The following MYPN variants were observed in gnomAD, a reference collection of about 807,000 sequenced individuals.
MYPN encodes the protein sarcomeric protein myopalladin, 145 kDa (MYOP).
MYPN carries 63 observed loss-of-function variants against 129.4 expected under a neutral mutation model. That is an observed-to-expected ratio of 0.49 (90% CI 0.40 to 0.60). The LOEUF is 0.60. Ranked by LOEUF, MYPN falls within the 20% of genes least tolerant of loss-of-function variation. The pLI is 0.00. For missense variants in MYPN, 1,596 were observed against 1,635.4 expected, an observed-to-expected ratio of 0.98 and a Z score of 0.42; for synonymous variants, 629 against 600.9, an observed-to-expected ratio of 1.05 and a Z score of -0.68.
At chr10:68,163,779 G>A (rs1298397203) in intron 8 of MYPN, among the ~76,000 whole-genome samples, 1 of 152,164 alleles carries the variant, frequency 6.6e-6, no homozygotes, top group Non-Finnish European at 1.5e-5. Flanking sequence ...CTAGTGCTAC[G>A]TGACTTTTAG....
intron 2 of MYPN, among the ~76,000 whole-genome samples, chr10:68,141,570 T>C (rs749104591): frequency 6.6e-6 from 1 of 152,138 alleles, no homozygotes; most frequent in Non-Finnish European, 1.5e-5. Flanking sequence ...AATGAAAAAA[T>C]GTAAAAGGGT....
chr10:68,208,484 G>A (rs753074994), intron 19 of MYPN, among the ~76,000 whole-genome samples: 1 of 152,174 alleles, frequency 6.6e-6, no homozygotes, highest in Non-Finnish European at 1.5e-5. Context: ...GGGAGAAAGA[G>A]GCCAGTAGTG....
intron 17 of MYPN, among the ~76,000 whole-genome samples, chr10:68,200,735 GT>G (rs2134305553): frequency 6.6e-6 from 1 of 152,008 alleles, no homozygotes; most frequent in South Asian, 2.1e-4. Flanking sequence ...TCCAGCCTGG[GT>G]GACAGAGCAA....
chr10:68,155,187 C>CA (rs2042849702), intron 6 of MYPN, among the ~76,000 whole-genome samples: 1 of 151,608 alleles, frequency 6.6e-6, no homozygotes, highest in South Asian at 2.1e-4. Flanking sequence ...TCTCAGAAAA[C>CA]AAAACAACAA....
intron 12 of MYPN, among the ~76,000 whole-genome samples, chr10:68,186,299 C>G (rs2043420599): frequency 6.6e-6 from 1 of 152,138 alleles, no homozygotes; most frequent in African/African-American, 2.4e-5. Flanking sequence ...AACCAAGAAA[C>G]ACTTGGTTTC....
chr10:68,149,069 GA>G (rs1202628001), intron 5 of MYPN, among the ~76,000 whole-genome samples: 12 of 151,222 alleles, frequency 7.9e-5, no homozygotes, highest in East Asian at 7.8e-4. Context: ...CTACAAAAAA[GA>G]AAAAAAAATT....
intron 6 of MYPN, among the ~76,000 whole-genome samples, chr10:68,157,035 C>A (rs1216730198): frequency 6.6e-6 from 1 of 152,128 alleles, no homozygotes; most frequent in Non-Finnish European, 1.5e-5. Context: ...GCTCACAAAC[C>A]ATGATGAATA....
In MYPN at chr10:68,199,431, G is replaced by T. The variant is rs2043670582; in HGVS notation, c.3349G>T (p.Ala1117Ser). 1 of 1,614,066 alleles carries T rather than the reference G, an allele frequency of 6.2e-7. No individual in the cohort carries two copies. The highest frequency in any genetic ancestry group is 2.2e-5 in the East Asian group (1 of 44,900). ...LLNGQPVLPD[A>S]SHKMLVRETG... ...CAATGGCCAACCTGTGCTACCAGATGCCTCCCACAAGATGCTGGTCAGGGA... is the reference window on the plus strand; with the variant it reads ...CAATGGCCAACCTGTGCTACCAGATTCCTCCCACAAGATGCTGGTCAGGGA... Residue 1117 changes from alanine to serine, a missense_variant, in exon 17 of 20, where the codon GCC becomes TCC. Transcript: ENST00000358913.
chr10:68,161,852 T>C, intron 8 of MYPN, 100 bp downstream of exon 8: 1 of 1,033,138 alleles, frequency 9.7e-7, no homozygotes, highest in South Asian at 1.5e-5. Context: ...AAGTGAAAAA[T>C]AAAGTTTTAG....
chr10:68,098,880 T>C (rs557833042), intron 1 of MYPN, among the ~76,000 whole-genome samples: 2 of 152,250 alleles, frequency 1.3e-5, no homozygotes, highest in African/African-American at 4.8e-5. Flanking sequence ...GGGTCTTTAT[T>C]TTATGAGATT....
chr10:68,150,771 T>A (rs1564664480), intron 6 of MYPN, among the ~76,000 whole-genome samples: 1 of 152,196 alleles, frequency 6.6e-6, no homozygotes, highest in Non-Finnish European at 1.5e-5. Context: ...ACTGTGTTTA[T>A]ATGTTGCCCA....
chr10:68,175,464 A>T lies in MYPN; in HGVS notation c.2703+3A>T. On this transcript the variant is annotated splice_donor_region_variant and intron_variant, in intron 12 of 19. Coordinates refer to ENST00000358913, the MANE Select transcript of MYPN (RefSeq NM_032578.4). ...GTGATGTCAGACCAAACCAGCAGGT[A>T]AGATTGTTGGATTTAGAAGGTTTAT... The T allele has an allele frequency of 6.2e-7, 1 of 1,614,052 alleles. No homozygotes were observed. The highest frequency in any genetic ancestry group is 8.5e-7 in the Non-Finnish European group (1 of 1,179,884).
At position 68,089,680 on chromosome 10, in the gene MYPN, C is replaced by G. The variant is rs112784569; in HGVS notation, c.-2+1688C>G. 3.9e-5 allele frequency among the ~76,000 whole-genome samples: 6 copies of G among 151,984 alleles called. 1 individual carries two copies. Among genetic ancestry groups the G allele is most frequent in the African/African-American group, 1.4e-4 (6 of 41,446 alleles). The stretch of plus-strand genomic sequence containing the variant: ...GTTTTTAAGAGAATGCTTAAGTGTG[C>G]GAGAAGAGAGAAGAGAAGCCTCTTT... On this transcript the variant is annotated intron_variant, in intron 1 of 6. Coordinates refer to the MYPN transcript ENST00000685154.
intron 3 of MYPN, among the ~76,000 whole-genome samples, chr10:68,145,169 C>T (rs1440159837): frequency 1.3e-5 from 2 of 151,932 alleles, no homozygotes; most frequent in African/African-American, 4.8e-5. Context: ...GGATTACAGG[C>T]ATGCACCACT....
At chr10:68,170,812 T>C (rs77944775) in intron 10 of MYPN, among the ~76,000 whole-genome samples, 2 of 152,300 alleles carry the variant, frequency 1.3e-5, no homozygotes, top group East Asian at 3.9e-4. Context: ...CCACAGATTA[T>C]TTTAATGTGC....
At position 68,203,712 on chromosome 10, in the gene MYPN, TAC is replaced by T. The variant is rs1204086269; in HGVS notation, c.3659+1726_3659+1727del. ...ACGCACACACACACACACACACACA[TAC>T]ACACACAGAGAGAGAGAGAGAGAGA... On this transcript the variant is annotated intron_variant, in intron 18 of 19. Coordinates refer to ENST00000358913, the MANE Select transcript of MYPN (RefSeq NM_032578.4). Among the ~76,000 whole-genome samples the T allele has an allele frequency of 9.4e-5, 13 of 138,016 alleles. 1 individual carries two copies. The highest frequency in any genetic ancestry group is 3.4e-4 in the African/African-American group (12 of 34,944). 90.5% of individuals were successfully genotyped at this position (138,016 alleles called of 152,430 possible).
intron 10 of MYPN, among the ~76,000 whole-genome samples, chr10:68,169,376 A>AAAT (rs1564677240): frequency 6.8e-6 from 1 of 145,996 alleles, no homozygotes; most frequent in African/African-American, 2.6e-5. Context: ...AAAAAAAAAA[A>AAAT]AAGAAGTGAC....
intron 15 of MYPN, among the ~76,000 whole-genome samples, chr10:68,196,500 T>TTTTTTTTTTGG (rs2043608678): frequency 8.8e-6 from 1 of 113,152 alleles, no homozygotes; most frequent in Non-Finnish European, 2.1e-5. Context: ...TTTTTTTTTT[T>TTTTTTTTTTGG]GAGATGGGGG....
In MYPN at chr10:68,136,562, G is replaced by A. The variant is rs2042490139; in HGVS notation, c.903-6378G>A. The A allele has an allele frequency of 4.2e-5, 61 of 1,463,634 alleles. No individual in the cohort carries two copies. The South Asian group carries it at 8.6e-4, about 21-fold the overall frequency. The allele number at this position is 1,463,634 out of a possible 1,614,324, so 90.7% of individuals were successfully genotyped here. On this transcript the variant is annotated intron_variant, in intron 2 of 19. Transcript: ENST00000358913. The stretch of plus-strand genomic sequence containing the variant: ...GCCTAATTTCTAAGTGGGTCATGCT[G>A]TTAAAGTCAGAGTGACGGTTACCGA...
Sources: gnomAD v4.1 joint callset for allele counts (sites outside exome capture counted in the v4.1 genomes callset) on GRCh38, gnomAD v4.1.1 for gene constraint, MANE v1.5 for transcripts, NCBI Gene and HGNC (gene_info 2026-07-23, HGNC 2026-07-21) for gene names.